Variants in ARHGEF12 observed in about 807,000 individuals in gnomAD.
The protein encoded by ARHGEF12 is Rho guanine nucleotide exchange factor 12.
ARHGEF12 carries 66 observed loss-of-function variants against 211.2 expected under a neutral mutation model. That is an observed-to-expected ratio of 0.31 (90% confidence interval 0.26 to 0.38). ARHGEF12 has a LOEUF of 0.38. Ranked by LOEUF, ARHGEF12 falls within the 10% of genes least tolerant of loss-of-function variation. The pLI is 1.00. For synonymous variants in ARHGEF12, 592 were observed against 638.4 expected (o/e 0.93, Z 1.09); for missense variants, 1,429 against 1,869.5 (o/e 0.76, Z 4.34).
chr11:120,436,722 G>C (rs1001388834), intron 11 of ARHGEF12, among the ~76,000 whole-genome samples: 2 of 152,074 alleles, frequency 1.3e-5, no homozygotes, highest in African/African-American at 4.8e-5. Context: ...AAGTAATCTA[G>C]AGATGATTTA....
At chr11:120,354,052 C>T (rs973336537) in intron 1 of ARHGEF12, among the ~76,000 whole-genome samples, 2 of 152,048 alleles carry the variant, frequency 1.3e-5, no homozygotes, top group Admixed American at 1.3e-4. Context: ...CCTGGAGGGG[C>T]TGCCTCTGAT....
chr11:120,389,102 C>T (rs1441820003), intron 1 of ARHGEF12, among the ~76,000 whole-genome samples: 2 of 151,952 alleles, frequency 1.3e-5, no homozygotes, highest in Non-Finnish European at 2.9e-5. Flanking sequence ...AACTCCTGAC[C>T]TCAAGTAATC....
At position 120,457,264 on chromosome 11, in the gene ARHGEF12, C is replaced by T; in HGVS notation, c.2189+14C>T. On this transcript the variant is annotated intron_variant, in intron 23 of 40. Transcript: ENST00000397843. ...TGAAGTAGAAAGGTAATTCAGTGATCTCTTAGAGAAGCTTAGGGCATTACT... is the reference window on the plus strand; with the variant it reads ...TGAAGTAGAAAGGTAATTCAGTGATTTCTTAGAGAAGCTTAGGGCATTACT... The T allele has an allele frequency of 2.5e-6, 4 of 1,613,308 alleles. No homozygotes were observed. The highest frequency in any genetic ancestry group is 3.4e-6 in the Non-Finnish European group (4 of 1,179,628).
At chr11:120,409,185 T>C in intron 3 of ARHGEF12, 1 of 534,956 alleles carries the variant, frequency 1.9e-6, no homozygotes, top group East Asian at 3.0e-5. Flanking sequence ...ATATTTTTAT[T>C]GCACTGTCTT....
At chr11:120,355,509 G>C (rs1463384600) in intron 1 of ARHGEF12, among the ~76,000 whole-genome samples, 19 of 152,156 alleles carry the variant, frequency 1.2e-4, no homozygotes, top group Admixed American at 9.2e-4. Context: ...TGATTGACTA[G>C]ATCAGTATTT....
chr11:120,347,262 CTCTCTGTCTGTGTGTGTG>C (rs1215279066), intron 1 of ARHGEF12, among the ~76,000 whole-genome samples: 1 of 117,606 alleles, frequency 8.5e-6, no homozygotes, highest in African/African-American at 3.3e-5. Flanking sequence ...CTCTCTCTCT[CTCTCTGTCTGTGTGTGTG>C]TGTGTGTGTG....
At position 120,487,923 on chromosome 11, in the gene ARHGEF12, G is replaced by C. The variant is rs1361229787; in HGVS notation, c.*2846G>C. 1 of 220,508 alleles carries C rather than the reference G, an allele frequency of 4.5e-6. No homozygotes were observed. The highest frequency in any genetic ancestry group is 2.2e-5 in the African/African-American group (1 of 44,596). The allele number at this position is 220,508 out of a possible 1,614,324, so 13.7% of individuals were successfully genotyped here. On this transcript the variant is annotated 3_prime_UTR_variant, in exon 41 of 41. Coordinates refer to ENST00000397843, the MANE Select transcript of ARHGEF12 (RefSeq NM_015313.3). ...GCATACTTTAAAATCACCTAACTTG[G>C]ACTGCTTGAATTACATTGGCTTTTA...
intron 11 of ARHGEF12, among the ~76,000 whole-genome samples, chr11:120,435,019 T>C (rs530466217): frequency 2.6e-5 from 4 of 152,168 alleles, no homozygotes; most frequent in Non-Finnish European, 5.9e-5. Context: ...AGCTATAATA[T>C]TCTTATTAAA....
At chr11:120,395,360 T>A (rs1019147047) in intron 1 of ARHGEF12, among the ~76,000 whole-genome samples, 3 of 152,156 alleles carry the variant, frequency 2.0e-5, no homozygotes, top group African/African-American at 7.2e-5. Context: ...ACTATGTTTC[T>A]CACTGTCTCA....
intron 2 of ARHGEF12, 129 bp downstream of exon 2, chr11:120,406,270 T>A (rs1216851469): frequency 5.2e-6 from 3 of 572,630 alleles, no homozygotes; most frequent in Non-Finnish European, 5.6e-6. Flanking sequence ...AATTTCAAAA[T>A]GTTTTACAAA....
chr11:120,338,334 G>A (rs1041969237), intron 1 of ARHGEF12, among the ~76,000 whole-genome samples: 2 of 152,154 alleles, frequency 1.3e-5, no homozygotes, highest in Non-Finnish European at 2.9e-5. Context: ...TTCCTAATAA[G>A]AGTTTTACCC....
chr11:120,432,784 G>C (rs550900116), intron 11 of ARHGEF12, among the ~76,000 whole-genome samples: 5 of 152,264 alleles, frequency 3.3e-5, no homozygotes, highest in African/African-American at 1.2e-4. Flanking sequence ...GTTGTTGGGG[G>C]ATTGTTTTGT....
intron 36 of ARHGEF12, among the ~76,000 whole-genome samples, chr11:120,477,862 C>CAAAAAAAAAAAAAAAAAAAAAAAAA (rs528182938): frequency 2.3e-4 from 16 of 69,226 alleles, no homozygotes; most frequent in South Asian, 4.0e-4. Context: ...ACCGAAACAC[C>CAAAAAAAAAAAAAAAAAAAAAAAAA]AAAAAAAAAA....
intron 30 of ARHGEF12, among the ~76,000 whole-genome samples, chr11:120,472,447 T>C (rs553761901): frequency 3.9e-5 from 6 of 152,296 alleles, no homozygotes; most frequent in African/African-American, 1.4e-4. Flanking sequence ...TTTTGCCTTA[T>C]ATAGCCATCT....
intron 6 of ARHGEF12, 28 bp downstream of exon 6, chr11:120,421,880 C>A (rs376995719): frequency 6.4e-7 from 1 of 1,574,744 alleles, no homozygotes; most frequent in Admixed American, 1.8e-5. Flanking sequence ...ATAGAATTTA[C>A]GGTAGGATTA....
intron 1 of ARHGEF12, among the ~76,000 whole-genome samples, chr11:120,363,947 T>C (rs1471450055): frequency 6.6e-6 from 1 of 152,190 alleles, no homozygotes; most frequent in Non-Finnish European, 1.5e-5. Flanking sequence ...GCTTTGCCTG[T>C]GATATTCACT....
At chr11:120,434,727 A>G (rs142321686) in intron 11 of ARHGEF12, among the ~76,000 whole-genome samples, 39 of 152,358 alleles carry the variant, frequency 2.6e-4, no homozygotes, top group African/African-American at 8.4e-4. Flanking sequence ...TCACAAGAGA[A>G]GCAACTTGGT....
chr11:120,444,514 GAA>G (rs1945986304), intron 15 of ARHGEF12, among the ~76,000 whole-genome samples: 2 of 152,106 alleles, frequency 1.3e-5, no homozygotes, highest in South Asian at 4.1e-4. Flanking sequence ...CTGTCAAAGA[GAA>G]AGTTTTAAAA....
intron 1 of ARHGEF12, among the ~76,000 whole-genome samples, chr11:120,403,794 T>C (rs1435511256): frequency 6.6e-6 from 1 of 152,206 alleles, no homozygotes; most frequent in African/African-American, 2.4e-5. Flanking sequence ...ATAATATCGA[T>C]CCAAAAGATA....
Sources: allele counts gnomAD v4.1 joint callset (sites outside exome capture counted in the v4.1 genomes callset), GRCh38; gene constraint gnomAD v4.1.1; transcripts MANE v1.5; gene names NCBI Gene and HGNC (gene_info 2026-07-23, HGNC 2026-07-21).